CCDC141: variants seen among roughly 807,000 people sequenced by gnomAD.
CCDC141 encodes coiled-coil domain containing 141, also known as coiled-coil domain-containing protein 141.
Under a neutral mutation model 181.0 loss-of-function variants are expected in CCDC141, and 168 were observed. The ratio of observed to expected loss-of-function variants is 0.93; its 90% confidence interval spans 0.82 to 1.05. The LOEUF (loss-of-function observed/expected upper bound fraction) is 1.05. Ranked by LOEUF, CCDC141 falls within the 50% of genes least tolerant of loss-of-function variation. The pLI, the probability that CCDC141 is intolerant of heterozygous loss-of-function variation, is 0.00. For missense variants in CCDC141, 1,902 were observed against 1,788.5 expected (o/e 1.06, Z -1.14); for synonymous variants, 666 against 642.3 (o/e 1.04, Z -0.56).
At chr2:178,931,871 A>T (rs1689113340) in intron 6 of CCDC141, among the ~76,000 whole-genome samples, 1 of 152,138 alleles carries the variant, frequency 6.6e-6, no homozygotes, top group South Asian at 2.1e-4. Context: ...TTGTGCTAAG[A>T]ACTGTTATAT....
At chr2:178,880,843 G>T (rs1686569517) in intron 11 of CCDC141, among the ~76,000 whole-genome samples, 1 of 152,218 alleles carries the variant, frequency 6.6e-6, no homozygotes, top group Non-Finnish European at 1.5e-5. Context: ...ATTCCTGAAA[G>T]GATGGTGGAG....
At chr2:178,967,913 A>G (rs1025802893) in intron 4 of CCDC141, among the ~76,000 whole-genome samples, 3 of 152,200 alleles carry the variant, frequency 2.0e-5, no homozygotes, top group African/African-American at 7.2e-5. Context: ...GCAAATGGAA[A>G]GTAAAAAAAA....
At chr2:179,019,658 T>C (rs1182943986) in intron 2 of CCDC141, among the ~76,000 whole-genome samples, 1 of 152,194 alleles carries the variant, frequency 6.6e-6, no homozygotes, top group Non-Finnish European at 1.5e-5. Flanking sequence ...ACTTTAATAA[T>C]TAATATTGAC....
chr2:178,994,520 G>C (rs554514523), intron 2 of CCDC141, among the ~76,000 whole-genome samples: 11 of 152,228 alleles, frequency 7.2e-5, no homozygotes, highest in African/African-American at 2.2e-4. Flanking sequence ...TTCCTCCTAG[G>C]CCTCCAGGCC....
At position 178,968,744 on chromosome 2, in the gene CCDC141, G is replaced by A. The variant is rs1024798051; in HGVS notation, c.526+6313C>T. ...ACAAGAAATAACTAAGATCAGAGCA[G>A]AACTGAAGGAGATAGAAACACTAAA... On this transcript the variant is annotated intron_variant, in intron 4 of 23. Coordinates refer to ENST00000443758, the MANE Select transcript of CCDC141 (RefSeq NM_173648.4). 1.5e-4 allele frequency among the ~76,000 whole-genome samples: 23 copies of A among 152,080 alleles called. 1 individual carries two copies. The highest frequency in any genetic ancestry group is 1.4e-3 in the Admixed American group (21 of 15,266).
chr2:178,968,672 A>G (rs1362226312), intron 4 of CCDC141, among the ~76,000 whole-genome samples: 1 of 152,192 alleles, frequency 6.6e-6, no homozygotes, highest in Non-Finnish European at 1.5e-5. Flanking sequence ...ATCAAAATTA[A>G]AAGAACTAGA....
intron 6 of CCDC141, among the ~76,000 whole-genome samples, chr2:178,941,302 C>T (rs1481674411): frequency 6.6e-6 from 1 of 152,218 alleles, no homozygotes; most frequent in Non-Finnish European, 1.5e-5. Context: ...TAAAGCACCA[C>T]TCCCCCTTGT....
chr2:178,882,384 A>G (rs1245831028), intron 11 of CCDC141, among the ~76,000 whole-genome samples: 1 of 152,166 alleles, frequency 6.6e-6, no homozygotes, highest in Non-Finnish European at 1.5e-5. Flanking sequence ...AATAGTAATA[A>G]TAAATAAAAT....
chr2:179,031,948 TC>T (rs980717566), intron 2 of CCDC141, among the ~76,000 whole-genome samples: 1 of 152,088 alleles, frequency 6.6e-6, no homozygotes, highest in African/African-American at 2.4e-5. Context: ...AGCTTGTGGT[TC>T]TTCAGAGTTT....
chr2:178,896,160 T>G (rs1687394093), intron 8 of CCDC141, among the ~76,000 whole-genome samples: 1 of 152,210 alleles, frequency 6.6e-6, no homozygotes, highest in African/African-American at 2.4e-5. Context: ...CAGGTATTGA[T>G]TCAGTTCATC....
At chr2:178,913,547 C>T (rs929208363) in intron 7 of CCDC141, among the ~76,000 whole-genome samples, 17 of 152,052 alleles carry the variant, frequency 1.1e-4, no homozygotes, top group African/African-American at 3.6e-4. Context: ...AAAAAGTATA[C>T]AAATTCCATG....
intron 5 of CCDC141, among the ~76,000 whole-genome samples, chr2:178,947,518 A>T (rs1487453568): frequency 6.6e-6 from 1 of 152,210 alleles, no homozygotes; most frequent in Non-Finnish European, 1.5e-5. Context: ...GTTCATGGTC[A>T]TCCCATTAAT....
intron 9 of CCDC141, among the ~76,000 whole-genome samples, chr2:178,887,481 T>C (rs1440083505): frequency 6.6e-6 from 1 of 152,146 alleles, no homozygotes; most frequent in Non-Finnish European, 1.5e-5. Flanking sequence ...GTCCCCTCGC[T>C]CTAACTCTAG....
At chr2:179,036,956 C>A (rs2043162160) in intron 2 of CCDC141, among the ~76,000 whole-genome samples, 1 of 152,208 alleles carries the variant, frequency 6.6e-6, no homozygotes, top group Admixed American at 6.5e-5. Flanking sequence ...ACTGGTAAAG[C>A]TGGACTGGAG....
At chr2:178,950,134 T>C (rs908961093) in intron 5 of CCDC141, among the ~76,000 whole-genome samples, 3 of 152,224 alleles carry the variant, frequency 2.0e-5, no homozygotes, top group Non-Finnish European at 1.5e-5. Flanking sequence ...ATAACCAGGT[T>C]CTATTAAGTA....
At chr2:178,904,282 G>C (rs1419708224) in intron 8 of CCDC141, among the ~76,000 whole-genome samples, 1 of 152,134 alleles carries the variant, frequency 6.6e-6, no homozygotes, top group Non-Finnish European at 1.5e-5. Flanking sequence ...GAAGACCTTG[G>C]ATTATTTCTA....
intron 11 of CCDC141, among the ~76,000 whole-genome samples, chr2:178,878,921 A>C (rs937839929): frequency 1.3e-5 from 2 of 152,202 alleles, no homozygotes; most frequent in Non-Finnish European, 2.9e-5. Flanking sequence ...GGCCAGTGAA[A>C]GATTATTAGT....
intron 8 of CCDC141, 100 bp from the exon 9 acceptor site, chr2:178,888,768 A>C: frequency 7.7e-7 from 1 of 1,300,492 alleles, no homozygotes; most frequent in Non-Finnish European, 1.1e-6. Context: ...CGTTGGTAAA[A>C]GGCATCAGCT....
chr2:178,891,464 G>A (rs1286014869), intron 8 of CCDC141, among the ~76,000 whole-genome samples: 1 of 152,112 alleles, frequency 6.6e-6, no homozygotes, highest in East Asian at 1.9e-4. Flanking sequence ...GGGGTAGGGA[G>A]TATTTTCTCC....
Sources: allele counts gnomAD v4.1 joint callset (sites outside exome capture counted in the v4.1 genomes callset), GRCh38; gene constraint gnomAD v4.1.1; transcripts MANE v1.5; gene names NCBI Gene and HGNC (gene_info 2026-07-23, HGNC 2026-07-21).